Variants in AKT3 observed in about 807,000 individuals in gnomAD.
AKT3 encodes AKT serine/threonine kinase 3.
In AKT3, 15 loss-of-function variants were observed where a neutral mutation model predicts 65.3. The ratio of observed to expected loss-of-function variants is 0.23; its 90% CI spans 0.15 to 0.35. AKT3 has a LOEUF of 0.35. Among genes scored for constraint, AKT3 ranks in the 10% least tolerant of loss-of-function variants. The pLI is 1.00. For missense variants in AKT3, 243 were observed against 576.5 expected, an observed-to-expected ratio of 0.42 and a Z score of 5.92; for synonymous variants, 206 against 183.8, an observed-to-expected ratio of 1.12 and a Z score of -0.98.
Position 243,839,576 on chromosome 1 carries a change from A to T in AKT3, c.46+3549T>A, listed in dbSNP as rs113407450. Among the ~76,000 whole-genome samples the T allele has an allele frequency of 6.6e-3, 1,006 of 152,310 alleles. 3 individuals are homozygous for T. Among genetic ancestry groups the T allele is most frequent in the Middle Eastern group, 0.02 (6 of 294 alleles). On this transcript the variant is annotated intron_variant, in intron 2 of 13. Coordinates refer to ENST00000673466, the MANE Select transcript of AKT3 (RefSeq NM_005465.7). Reference sequence around the variant, plus strand: ...AACTGTCCAGAAAAGTGTAAAAAATAGGATATCACTATTAATATATCACTA... The same window carrying T: ...AACTGTCCAGAAAAGTGTAAAAAATTGGATATCACTATTAATATATCACTA...
intron 6 of AKT3, 82 bp downstream of exon 6, chr1:243,637,529 A>T: frequency 1.6e-6 from 2 of 1,243,030 alleles, no homozygotes; most frequent in Non-Finnish European, 2.2e-6. Flanking sequence ...ATTTGCATAC[A>T]TTAGCATGTA....
At chr1:243,660,504 T>C (rs1239332722) in intron 4 of AKT3, among the ~76,000 whole-genome samples, 2 of 152,196 alleles carry the variant, frequency 1.3e-5, no homozygotes, top group Non-Finnish European at 2.9e-5. Flanking sequence ...TTGACAAAAT[T>C]CAACAACCCT....
intron 9 of AKT3, among the ~76,000 whole-genome samples, chr1:243,570,254 A>T (rs1217887969): frequency 1.3e-5 from 2 of 152,238 alleles, no homozygotes; most frequent in Non-Finnish European, 2.9e-5. Flanking sequence ...TAGCAATTGG[A>T]TTTGCATTTG....
intron 5 of AKT3, among the ~76,000 whole-genome samples, chr1:243,643,101 C>T (rs974018199): frequency 6.6e-5 from 10 of 152,136 alleles, no homozygotes; most frequent in Non-Finnish European, 1.0e-4. Context: ...TTGGTTACGT[C>T]GCTTCTCCCT....
intron 2 of AKT3, among the ~76,000 whole-genome samples, chr1:243,840,549 T>C (rs752218393): frequency 6.6e-6 from 1 of 152,218 alleles, no homozygotes; most frequent in African/African-American, 2.4e-5. Flanking sequence ...AATCTCATCA[T>C]ACCACTTTGT....
At chr1:243,594,735 G>A (rs1676475723) in intron 8 of AKT3, among the ~76,000 whole-genome samples, 1 of 151,962 alleles carries the variant, frequency 6.6e-6, no homozygotes, top group Non-Finnish European at 1.5e-5. Context: ...CACCAGTCCA[G>A]GCTAATTTTT....
At chr1:243,508,955 C>T (rs535852729) in intron 13 of AKT3, among the ~76,000 whole-genome samples, 12 of 152,018 alleles carry the variant, frequency 7.9e-5, no homozygotes, top group African/African-American at 2.4e-4. Flanking sequence ...TACAGGTGTG[C>T]ACCACTGCGC....
intron 3 of AKT3, among the ~76,000 whole-genome samples, chr1:243,673,946 T>A (rs888439387): frequency 6.6e-6 from 1 of 152,200 alleles, no homozygotes; most frequent in African/African-American, 2.4e-5. Context: ...ATTTGAAACA[T>A]GATGAAACTG....
intron 12 of AKT3, among the ~76,000 whole-genome samples, chr1:243,527,500 A>G (rs1259719207): frequency 6.6e-6 from 1 of 152,142 alleles, no homozygotes; most frequent in Non-Finnish European, 1.5e-5. Context: ...TAATCATTAT[A>G]ATTTTTTCTT....
At position 243,628,217 on chromosome 1, in the gene AKT3, C is replaced by T. The variant is rs146963179; in HGVS notation, c.561+9394G>A. ...GGGTAATGTCAGAGAAACACTCTAA[C>T]GAGTACCAATAACAAAATGAAAATG... On this transcript the variant is annotated intron_variant, in intron 6 of 13. Coordinates refer to ENST00000673466, the MANE Select transcript of AKT3 (RefSeq NM_005465.7). Among the ~76,000 whole-genome samples the T allele has an allele frequency of 1.9e-3, 284 of 152,210 alleles. 5 individuals are homozygous for T. Among genetic ancestry groups the T allele is most frequent in the South Asian group, 3.5e-3 (17 of 4,820 alleles).
At chr1:243,826,327 ATT>A (rs919144007) in intron 2 of AKT3, among the ~76,000 whole-genome samples, 16 of 152,148 alleles carry the variant, frequency 1.1e-4, no homozygotes, top group Non-Finnish European at 2.2e-4. Flanking sequence ...CATTAGTTAC[ATT>A]TGCCAAAACT....
rs1158214066 is a variant in AKT3, at chr1:243,619,449, GGTCT to G, written c.562-4292_562-4289del. ...CGCCCTACTGAACTATCTAACACTA[GGTCT>G]TATTACAACTGTACTTCTGTACCTA... On this transcript the variant is annotated intron_variant, in intron 6 of 13. Coordinates refer to ENST00000673466, the MANE Select transcript of AKT3 (RefSeq NM_005465.7). 2.7e-4 allele frequency among the ~76,000 whole-genome samples: 11 copies of G among 40,648 alleles called. 4 individuals are homozygous for G. Among genetic ancestry groups the G allele is most frequent in the Non-Finnish European group, 1.4e-3 (10 of 6,992 alleles). The allele number at this position is 40,648 out of a possible 152,430, so 26.7% of individuals were successfully genotyped here.
chr1:243,724,483 G>T (rs1258230109), intron 2 of AKT3, among the ~76,000 whole-genome samples: 1 of 151,914 alleles, frequency 6.6e-6, no homozygotes, highest in Non-Finnish European at 1.5e-5. Flanking sequence ...GCAAAAGTAA[G>T]GAATTTTTTC....
chr1:243,544,427 A>G (rs750108350), intron 12 of AKT3, among the ~76,000 whole-genome samples: 1 of 151,918 alleles, frequency 6.6e-6, no homozygotes, highest in African/African-American at 2.4e-5. Context: ...ATTCAGTACC[A>G]TACTGGGAAA....
At chr1:243,491,988 G>A (rs1396656463) in intron 13 of AKT3, among the ~76,000 whole-genome samples, 1 of 152,158 alleles carries the variant, frequency 6.6e-6, no homozygotes, top group Non-Finnish European at 1.5e-5. Context: ...CCAAAGCAAA[G>A]TCCACCCCTT....
chr1:243,540,968 A>T (rs1672272993), intron 12 of AKT3, among the ~76,000 whole-genome samples: 1 of 152,182 alleles, frequency 6.6e-6, no homozygotes, highest in Non-Finnish European at 1.5e-5. Context: ...TGAAGTCAAC[A>T]TCTTACTTAC....
At chr1:243,576,507 C>CT (rs1291040415) in intron 8 of AKT3, among the ~76,000 whole-genome samples, 2 of 152,140 alleles carry the variant, frequency 1.3e-5, no homozygotes, top group Non-Finnish European at 2.9e-5. Flanking sequence ...AGTCCAAAAG[C>CT]TTAAGTTGAT....
intron 4 of AKT3, among the ~76,000 whole-genome samples, chr1:243,649,313 ATGTGTGTGTGTGTGTGTG>A (rs55765060): frequency 2.9e-4 from 43 of 146,024 alleles, no homozygotes; most frequent in Admixed American, 8.1e-4. Flanking sequence ...TTATGTGTAT[ATGTGTGTGTGTGTGTGTG>A]TGTGTGTGTG....
chr1:243,804,139 CTT>C (rs1031947221), intron 2 of AKT3, among the ~76,000 whole-genome samples: 1 of 152,188 alleles, frequency 6.6e-6, no homozygotes, highest in Non-Finnish European at 1.5e-5. Context: ...TATCCACTGT[CTT>C]TTAATTTTTT....
Sources: gnomAD v4.1 joint callset for allele counts (sites outside exome capture counted in the v4.1 genomes callset) on GRCh38, gnomAD v4.1.1 for gene constraint, MANE v1.5 for transcripts, NCBI Gene and HGNC (gene_info 2026-07-23, HGNC 2026-07-21) for gene names.